GRIN2A: variants seen among roughly 807,000 people sequenced by gnomAD.
The protein encoded by GRIN2A is glutamate ionotropic receptor NMDA type subunit 2A.
In GRIN2A, 22 loss-of-function variants were observed where a neutral mutation model predicts 113.4. That is an observed-to-expected ratio of 0.19 (90% confidence interval 0.14 to 0.28). The LOEUF (loss-of-function observed/expected upper bound fraction) is 0.28, where lower values mean the gene tolerates loss of function less well. GRIN2A is among the 10% of genes least tolerant of loss of function. The probability of loss-of-function intolerance (pLI) is 1.00; values close to 1 mark genes in which losing one functional copy is unlikely to be tolerated. For synonymous variants in GRIN2A, 827 were observed against 738.4 expected (o/e 1.12, Z -1.94); for missense variants, 1,502 against 1,887.0 (o/e 0.80, Z 3.78).
intron 2 of GRIN2A, among the ~76,000 whole-genome samples, chr16:10,008,597 A>T (rs1456362798): frequency 6.6e-6 from 1 of 152,214 alleles, no homozygotes; most frequent in Non-Finnish European, 1.5e-5. Context: ...TAATCTCAGA[A>T]GCAGCAGTTC....
chr16:9,770,960 A>T (rs1901237824), intron 11 of GRIN2A, among the ~76,000 whole-genome samples: 1 of 152,170 alleles, frequency 6.6e-6, no homozygotes, highest in Non-Finnish European at 1.5e-5. Flanking sequence ...TTGCTAGATT[A>T]TACAGTAAGT....
chr16:10,059,541 A>G (rs1198768846), intron 2 of GRIN2A, among the ~76,000 whole-genome samples: 1 of 152,074 alleles, frequency 6.6e-6, no homozygotes, highest in Non-Finnish European at 1.5e-5. Context: ...TATATTTTGG[A>G]GGTAAAATCA....
intron 5 of GRIN2A, among the ~76,000 whole-genome samples, chr16:9,845,220 C>T (rs1391006022): frequency 3.3e-5 from 5 of 152,092 alleles, no homozygotes; most frequent in Admixed American, 6.5e-5. Context: ...TGAATTTGAA[C>T]CTGTTAAGCT....
chr16:9,952,022 C>T (rs2045196372), intron 2 of GRIN2A, among the ~76,000 whole-genome samples: 1 of 152,174 alleles, frequency 6.6e-6, no homozygotes. Flanking sequence ...TTGGGTATTT[C>T]ATATTTGCTG....
intron 3 of GRIN2A, among the ~76,000 whole-genome samples, chr16:9,907,006 T>G (rs1208985418): frequency 6.6e-6 from 1 of 152,038 alleles, no homozygotes; most frequent in East Asian, 1.9e-4. Flanking sequence ...GTAGACAGGG[T>G]TTCACCACAT....
At chr16:9,950,176 T>C (rs2045143669) in intron 2 of GRIN2A, among the ~76,000 whole-genome samples, 2 of 152,182 alleles carry the variant, frequency 1.3e-5, no homozygotes, top group South Asian at 4.1e-4. Context: ...AAAGAGCCCA[T>C]GTCCTTGCTG....
intron 3 of GRIN2A, among the ~76,000 whole-genome samples, chr16:9,916,585 G>A (rs1258690819): frequency 6.6e-6 from 1 of 152,200 alleles, no homozygotes; most frequent in Non-Finnish European, 1.5e-5. Flanking sequence ...ATCCTGCTGC[G>A]GATTAACAGA....
chr16:10,039,489 C>T (rs534156434), intron 2 of GRIN2A, among the ~76,000 whole-genome samples: 21 of 152,128 alleles, frequency 1.4e-4, no homozygotes, highest in African/African-American at 5.1e-4. Flanking sequence ...AGACGCTAAA[C>T]TCTAAGTCTT....
chr16:9,794,446 T>C (rs374651357), intron 11 of GRIN2A, among the ~76,000 whole-genome samples: 3 of 152,314 alleles, frequency 2.0e-5, no homozygotes, highest in African/African-American at 7.2e-5. Context: ...TTTTAGAGCA[T>C]AATTAATCCT....
At chr16:9,993,352 C>G (rs1384681175) in intron 2 of GRIN2A, among the ~76,000 whole-genome samples, 2 of 152,064 alleles carry the variant, frequency 1.3e-5, no homozygotes, top group Admixed American at 1.3e-4. Context: ...GAGTTCGAGA[C>G]TAGTCTAGGC....
chr16:10,065,169 A>C (rs1222145190), intron 2 of GRIN2A, among the ~76,000 whole-genome samples: 1 of 152,214 alleles, frequency 6.6e-6, no homozygotes, highest in Non-Finnish European at 1.5e-5. Flanking sequence ...CTTTATTTTA[A>C]GGTACCTCGC....
chr16:10,006,724 A>T (rs1462655184), intron 2 of GRIN2A, among the ~76,000 whole-genome samples: 1 of 152,146 alleles, frequency 6.6e-6, no homozygotes, highest in East Asian at 1.9e-4. Flanking sequence ...GATCTTACGC[A>T]TTCCATCTTA....
chr16:10,018,864 C>A (rs1015100055), intron 2 of GRIN2A, among the ~76,000 whole-genome samples: 26 of 152,192 alleles, frequency 1.7e-4, no homozygotes, highest in African/African-American at 5.8e-4. Context: ...AAGAATGCCC[C>A]AGAGTTACAG....
chr16:9,924,926 T>TA (rs1464419793), intron 3 of GRIN2A, among the ~76,000 whole-genome samples: 1 of 152,218 alleles, frequency 6.6e-6, no homozygotes, highest in African/African-American at 2.4e-5. Flanking sequence ...AGTTGAGAGT[T>TA]AGAGTTACTC....
chr16:9,932,933 C>G (rs755897072), intron 3 of GRIN2A, among the ~76,000 whole-genome samples: 45 of 152,256 alleles, frequency 3.0e-4, no homozygotes, highest in Non-Finnish European at 5.6e-4. Context: ...CCAGGGGGCC[C>G]TGGCCACTCC....
intron 2 of GRIN2A, among the ~76,000 whole-genome samples, chr16:10,096,011 G>C (rs986523771): frequency 1.3e-5 from 2 of 152,110 alleles, no homozygotes; most frequent in Non-Finnish European, 2.9e-5. Context: ...AAGTTTACCT[G>C]TGTAACAAAC....
chr16:9,770,780 T>C (rs1374841631), intron 11 of GRIN2A, among the ~76,000 whole-genome samples: 4 of 152,218 alleles, frequency 2.6e-5, no homozygotes, highest in South Asian at 4.1e-4. Flanking sequence ...AAAAAGTTAA[T>C]AGATTTTATT....
intron 2 of GRIN2A, among the ~76,000 whole-genome samples, chr16:10,151,376 G>C (rs1164811148): frequency 6.6e-6 from 1 of 152,234 alleles, no homozygotes; most frequent in Non-Finnish European, 1.5e-5. Flanking sequence ...GTTAGGTGGG[G>C]AGGTGCATTC....
intron 2 of GRIN2A, among the ~76,000 whole-genome samples, chr16:10,092,309 G>A (rs571347941): frequency 6.6e-6 from 1 of 152,218 alleles, no homozygotes; most frequent in Admixed American, 6.5e-5. Flanking sequence ...TACAGTCCAA[G>A]GAAAATCAGT....
Sources: allele counts gnomAD v4.1 joint callset (sites outside exome capture counted in the v4.1 genomes callset), GRCh38; gene constraint gnomAD v4.1.1; transcripts MANE v1.5; gene names NCBI Gene and HGNC (gene_info 2026-07-23, HGNC 2026-07-21).